The following CCNJL variants were observed in gnomAD, a reference collection of about 807,000 sequenced individuals.
CCNJL encodes cyclin J like.
CCNJL carries 33 observed loss-of-function variants against 33.4 expected under a neutral mutation model. The ratio of observed to expected loss-of-function variants is 0.99; its 90% CI spans 0.75 to 1.32. CCNJL has a LOEUF of 1.32. CCNJL is among the 40% of genes most tolerant of loss of function. CCNJL has a pLI of 0.00. For synonymous variants in CCNJL, 227 were observed against 220.9 expected (o/e 1.03, Z -0.24); for missense variants, 512 against 499.7 (o/e 1.02, Z -0.23).
At chr5:160,290,141 C>A (rs911091353) in intron 2 of CCNJL, among the ~76,000 whole-genome samples, 1 of 152,196 alleles carries the variant, frequency 6.6e-6, no homozygotes, top group Non-Finnish European at 1.5e-5. Flanking sequence ...GAAGTGAAGT[C>A]CTCGGTTTAA....
At chr5:160,267,357 A>C (rs147259367) in intron 3 of CCNJL, among the ~76,000 whole-genome samples, 1 of 152,248 alleles carries the variant, frequency 6.6e-6, no homozygotes, top group African/African-American at 2.4e-5. Flanking sequence ...AGTTACCCCG[A>C]TCTCCCAGCT....
intron 2 of CCNJL, among the ~76,000 whole-genome samples, chr5:160,297,637 GATCTC>G (rs1396741176): frequency 7.6e-5 from 10 of 132,106 alleles, no homozygotes; most frequent in African/African-American, 2.9e-4. Context: ...AACACAGTGA[GATCTC>G]GTCTCTATTT....
intron 3 of CCNJL, among the ~76,000 whole-genome samples, chr5:160,278,372 T>A (rs559966177): frequency 1.3e-5 from 2 of 152,144 alleles, no homozygotes; most frequent in Non-Finnish European, 2.9e-5. Context: ...CAGCTCTTCT[T>A]ATCTCAGAAT....
chr5:160,313,100 G>A (rs140462793), upstream of CCNJL, among the ~76,000 whole-genome samples: 68 of 152,226 alleles, frequency 4.5e-4, no homozygotes, highest in African/African-American at 1.6e-3. Context: ...TAAGTCACTG[G>A]TATTATTGTG....
At chr5:160,285,194 T>C (rs1467953824) in intron 2 of CCNJL, among the ~76,000 whole-genome samples, 1 of 152,152 alleles carries the variant, frequency 6.6e-6, no homozygotes, top group East Asian at 1.9e-4. Context: ...CATCTCAAAA[T>C]CAATCAATCA....
intron 1 of CCNJL, among the ~76,000 whole-genome samples, chr5:160,321,522 G>T (rs752157621): frequency 1.3e-5 from 2 of 152,230 alleles, no homozygotes; most frequent in Non-Finnish European, 2.9e-5. Flanking sequence ...CAAGGATTAC[G>T]GTCGCAGCCG....
At chr5:160,321,739 C>T (rs1763467937) in intron 1 of CCNJL, among the ~76,000 whole-genome samples, 1 of 152,170 alleles carries the variant, frequency 6.6e-6, no homozygotes, top group Non-Finnish European at 1.5e-5. Flanking sequence ...CAAGACCAGC[C>T]TTGCCAACAT....
chr5:160,269,629 A>T, intron 3 of CCNJL: 1 of 378,220 alleles, frequency 2.6e-6, no homozygotes, highest in Non-Finnish European at 5.3e-6. Flanking sequence ...TTCCAGATAC[A>T]AGAGCTGGTC....
intron 5 of CCNJL, 190 bp downstream of exon 5, chr5:160,255,359 A>T (rs1761013611): frequency 1.9e-6 from 1 of 530,068 alleles, no homozygotes; most frequent in African/African-American, 1.9e-5. Context: ...AGCTATTCAA[A>T]ATAGGAAGAA....
At chr5:160,256,699 C>A (rs1418638376) in intron 4 of CCNJL, among the ~76,000 whole-genome samples, 1 of 152,024 alleles carries the variant, frequency 6.6e-6, no homozygotes, top group Non-Finnish European at 1.5e-5. Flanking sequence ...AGGTGGATCA[C>A]GAGGTCAGGA....
At position 160,251,355 on chromosome 5, in the gene CCNJL, T is replaced by A. The variant is rs1760796501; in HGVS notation, c.*2023A>T. The stretch of plus-strand genomic sequence containing the variant: ...GCCCCACAAATTTTAGACCACAGCC[T>A]CTGCAATCACATGAGCCAATTCCTT... On this transcript the variant is annotated 3_prime_UTR_variant, in exon 6 of 6. Transcript: ENST00000257536. 6.6e-6 allele frequency: 1 copy of A among 152,264 alleles called. No individual in the cohort carries two copies. Among genetic ancestry groups the A allele is most frequent in the Non-Finnish European group, 1.5e-5 (1 of 68,060 alleles). The allele number at this position is 152,264 out of a possible 1,614,324, so 9.4% of individuals were successfully genotyped here.
chr5:160,286,664 G>A (rs1762417111), intron 2 of CCNJL, among the ~76,000 whole-genome samples: 1 of 151,956 alleles, frequency 6.6e-6, no homozygotes, highest in African/African-American at 2.4e-5. Flanking sequence ...AAAGAAAAAA[G>A]GAAAAGTTAT....
At chr5:160,284,935 T>C (rs1342258821) in intron 2 of CCNJL, among the ~76,000 whole-genome samples, 4 of 152,254 alleles carry the variant, frequency 2.6e-5, no homozygotes, top group South Asian at 2.1e-4. Context: ...TTTTAAGTCA[T>C]GGAGCTCGGC....
At chr5:160,299,779 G>A (rs1762867268) in intron 2 of CCNJL, among the ~76,000 whole-genome samples, 1 of 151,134 alleles carries the variant, frequency 6.6e-6, no homozygotes, top group Non-Finnish European at 1.5e-5. Context: ...ACAATAAAAA[G>A]TTAAGGAAAA....
chr5:160,309,304 G>A (rs761316366), intron 2 of CCNJL, among the ~76,000 whole-genome samples: 2 of 152,186 alleles, frequency 1.3e-5, no homozygotes, highest in African/African-American at 4.8e-5. Flanking sequence ...TTGATACCCT[G>A]TAGTATGATG....
intron 3 of CCNJL, among the ~76,000 whole-genome samples, chr5:160,262,877 C>G (rs1457342768): frequency 6.6e-6 from 1 of 152,236 alleles, no homozygotes; most frequent in African/African-American, 2.4e-5. Flanking sequence ...AGCGCTGCCA[C>G]CACCAAGCAC....
intron 3 of CCNJL, among the ~76,000 whole-genome samples, chr5:160,261,961 C>T (rs1172158062): frequency 6.6e-6 from 1 of 152,110 alleles, no homozygotes; most frequent in Non-Finnish European, 1.5e-5. Context: ...TCTCAGGAAA[C>T]AGATATTTTA....
At chr5:160,312,013 C>T in intron 1 of CCNJL, 41 bp from the exon 2 acceptor site, 1 of 1,295,328 alleles carries the variant, frequency 7.7e-7, no homozygotes, top group Non-Finnish European at 1.1e-6. Context: ...GAGCGTACCC[C>T]GGGCTCCGAC....
chr5:160,318,813 A>G (rs957388892), intron 1 of CCNJL, among the ~76,000 whole-genome samples: 1 of 152,224 alleles, frequency 6.6e-6, no homozygotes, highest in Non-Finnish European at 1.5e-5. Context: ...AATTTGTGTA[A>G]TTTCAGTGAT....
Sources: allele counts gnomAD v4.1 joint callset (sites outside exome capture counted in the v4.1 genomes callset), GRCh38; gene constraint gnomAD v4.1.1; transcripts MANE v1.5; gene names NCBI Gene and HGNC (gene_info 2026-07-23, HGNC 2026-07-21).